The following PCDH9 variants were observed in gnomAD, a reference collection of about 807,000 sequenced individuals.
The protein encoded by PCDH9 is protocadherin 9.
Under a neutral mutation model 70.6 loss-of-function variants are expected in PCDH9, and 24 were observed. The observed-to-expected ratio is 0.34, with a 90% confidence interval of 0.25 to 0.48. The LOEUF (loss-of-function observed/expected upper bound fraction) is 0.48, where lower values mean the gene tolerates loss of function less well. Ranked by LOEUF, PCDH9 falls within the 20% of genes least tolerant of loss-of-function variation. PCDH9 has a pLI of 0.99. For missense variants in PCDH9, 1,281 were observed against 1,503.6 expected (o/e 0.85, Z 2.45); for synonymous variants, 562 against 558.5 (o/e 1.01, Z -0.09).
chr13:67,057,860 T>C (rs2085453795), intron 2 of PCDH9, among the ~76,000 whole-genome samples: 1 of 152,206 alleles, frequency 6.6e-6, no homozygotes, highest in Non-Finnish European at 1.5e-5. Context: ...TGTGGTGTTC[T>C]TCCTTTCCTT....
In PCDH9 at chr13:66,794,739, A is replaced by C. The variant is rs968851857; in HGVS notation, c.3138+108765T>G. Among the ~76,000 whole-genome samples the C allele has an allele frequency of 1.2e-4, 18 of 152,132 alleles. No homozygotes were observed. In the East Asian group the frequency reaches 2.1e-3, roughly 18 times the overall value. The stretch of plus-strand genomic sequence containing the variant: ...GCCTGTTAACTCTCTTTTTCATCCT[A>C]TGTGTATATTTCACTATAAAGTTCT... On this transcript the variant is annotated intron_variant, in intron 3 of 4. Transcript: ENST00000377865.
intron 4 of PCDH9, among the ~76,000 whole-genome samples, chr13:66,583,295 T>A (rs926869639): frequency 6.6e-6 from 1 of 152,120 alleles, no homozygotes; most frequent in Non-Finnish European, 1.5e-5. Flanking sequence ...TCTTACCACT[T>A]GATTATCTAC....
chr13:66,798,060 A>C (rs2080272478), intron 3 of PCDH9, among the ~76,000 whole-genome samples: 1 of 151,964 alleles, frequency 6.6e-6, no homozygotes, highest in South Asian at 2.1e-4. Flanking sequence ...AAGAGGAGGA[A>C]GAAAATGACA....
At chr13:66,574,375 C>G (rs2076782060) in intron 4 of PCDH9, among the ~76,000 whole-genome samples, 1 of 152,120 alleles carries the variant, frequency 6.6e-6, no homozygotes, top group African/African-American at 2.4e-5. Context: ...CTTCCTCATG[C>G]AAGTGATCTT....
intron 4 of PCDH9, among the ~76,000 whole-genome samples, chr13:66,405,973 TAG>T (rs1236293488): frequency 3.3e-5 from 5 of 152,296 alleles, no homozygotes; most frequent in African/African-American, 4.8e-5. Context: ...GAGGTGATGC[TAG>T]AGAGAGATTA....
chr13:67,142,130 TGC>T (rs1191176938), intron 2 of PCDH9, among the ~76,000 whole-genome samples: 36 of 152,190 alleles, frequency 2.4e-4, no homozygotes, highest in Non-Finnish European at 2.9e-5. Context: ...TATCAGAATA[TGC>T]TCATTTAGAT....
chr13:66,474,189 A>G (rs1958674320), intron 4 of PCDH9, among the ~76,000 whole-genome samples: 2 of 152,124 alleles, frequency 1.3e-5, no homozygotes, highest in South Asian at 4.1e-4. Context: ...TCTCATTTTG[A>G]CTTACCTATC....
intron 4 of PCDH9, among the ~76,000 whole-genome samples, chr13:66,529,045 C>A (rs1216852178): frequency 6.6e-6 from 1 of 152,092 alleles, no homozygotes; most frequent in African/African-American, 2.4e-5. Context: ...CTCCTTTAAT[C>A]TCCTCTAACT....
At chr13:67,026,192 A>C (rs912802531) in intron 2 of PCDH9, among the ~76,000 whole-genome samples, 1 of 152,154 alleles carries the variant, frequency 6.6e-6, no homozygotes, top group Non-Finnish European at 1.5e-5. Flanking sequence ...CCAGGGATGA[A>C]GCCCACTTGA....
chr13:66,807,414 T>C (rs1278246811), intron 3 of PCDH9, among the ~76,000 whole-genome samples: 1 of 152,176 alleles, frequency 6.6e-6, no homozygotes. Flanking sequence ...CCGGTCCATC[T>C]CCTTGTTTAA....
At chr13:66,392,135 T>G (rs750007664) in intron 4 of PCDH9, among the ~76,000 whole-genome samples, 3 of 151,512 alleles carry the variant, frequency 2.0e-5, no homozygotes, top group Non-Finnish European at 4.4e-5. Flanking sequence ...AGGTATCAAA[T>G]AAAAATTTGT....
At chr13:66,462,182 GA>G (rs919247471) in intron 4 of PCDH9, among the ~76,000 whole-genome samples, 2 of 151,598 alleles carry the variant, frequency 1.3e-5, no homozygotes, top group African/African-American at 2.4e-5. Flanking sequence ...TGATTATATA[GA>G]AAAAAACTGC....
chr13:66,971,770 C>A (rs939200317), intron 2 of PCDH9, among the ~76,000 whole-genome samples: 2 of 151,728 alleles, frequency 1.3e-5, no homozygotes, highest in African/African-American at 4.8e-5. Context: ...AAAGTCTTGT[C>A]AAATAATATA....
chr13:66,804,204 G>A (rs570792295), intron 3 of PCDH9, among the ~76,000 whole-genome samples: 7 of 152,172 alleles, frequency 4.6e-5, no homozygotes, highest in African/African-American at 1.7e-4. Flanking sequence ...TTACTACATT[G>A]TGTTTTGGAC....
chr13:67,153,880 C>T (rs928002), intron 2 of PCDH9, among the ~76,000 whole-genome samples: 143,173 of 152,222 alleles, frequency 0.94, 67,549 homozygotes, highest in Non-Finnish European at 0.98. Flanking sequence ...AATCATGTTG[C>T]ATAAATGACA....
Position 66,360,265 on chromosome 13 carries a change from A to C in PCDH9, c.3341-55237T>G, listed in dbSNP as rs917071995. ...TATAGATAGCAGTAGTTTTGCAAAA[A>C]GTTGACGTCCACCTTGATGGCAGGT... On this transcript the variant is annotated intron_variant, in intron 4 of 4. Coordinates refer to ENST00000377865, the MANE Select transcript of PCDH9 (RefSeq NM_203487.3). Among the ~76,000 whole-genome samples, 5 of 152,132 alleles carry C rather than the reference A, an allele frequency of 3.3e-5. No individual in the cohort carries two copies. In the East Asian group the frequency reaches 7.7e-4, roughly 23 times the overall value.
At chr13:66,564,087 G>C (rs1206251294) in intron 4 of PCDH9, among the ~76,000 whole-genome samples, 1 of 152,058 alleles carries the variant, frequency 6.6e-6, no homozygotes, top group Non-Finnish European at 1.5e-5. Context: ...AAATAAACCA[G>C]GGGAATACAA....
chr13:66,700,263 C>G (rs1280217926), intron 3 of PCDH9, among the ~76,000 whole-genome samples: 1 of 152,090 alleles, frequency 6.6e-6, no homozygotes, highest in Non-Finnish European at 1.5e-5. Context: ...AGTCTGCTCT[C>G]GAGATCTGAC....
chr13:66,609,841 T>C (rs2138867168), intron 4 of PCDH9, among the ~76,000 whole-genome samples: 1 of 152,156 alleles, frequency 6.6e-6, no homozygotes, highest in African/African-American at 2.4e-5. Context: ...TATACACAAG[T>C]CTTTTTCCAA....
Sources: allele counts gnomAD v4.1 joint callset (sites outside exome capture counted in the v4.1 genomes callset), GRCh38; gene constraint gnomAD v4.1.1; transcripts MANE v1.5; gene names NCBI Gene and HGNC (gene_info 2026-07-23, HGNC 2026-07-21).